Variants in ZNF609 observed in about 807,000 individuals in gnomAD.
ZNF609 encodes zinc finger protein 609.
A neutral mutation model predicts 109.5 loss-of-function variants in ZNF609; 11 were observed. The ratio of observed to expected loss-of-function variants is 0.10; its 90% confidence interval spans 0.06 to 0.17. ZNF609 has a LOEUF of 0.17. Among genes scored for constraint, ZNF609 ranks in the 10% least tolerant of loss-of-function variants. The probability of loss-of-function intolerance (pLI) is 1.00; values close to 1 mark genes in which losing one functional copy is unlikely to be tolerated. For synonymous variants in ZNF609, 646 were observed against 662.0 expected (o/e 0.98, Z 0.37); for missense variants, 1,559 against 1,772.4 (o/e 0.88, Z 2.16).
chr15:64,610,152 CA>C (rs1895694057), intron 2 of ZNF609, among the ~76,000 whole-genome samples: 1 of 152,156 alleles, frequency 6.6e-6, no homozygotes, highest in Non-Finnish European at 1.5e-5. Flanking sequence ...GCTTAGGCAA[CA>C]TAGGGAGACC....
chr15:64,677,975 G>C (rs1382271438), intron 5 of ZNF609, 141 bp from the exon 6 acceptor site: 2 of 1,136,448 alleles, frequency 1.8e-6, no homozygotes, highest in Middle Eastern at 3.0e-4. Context: ...TTATAAACAA[G>C]ATCAGTAGAG....
intron 2 of ZNF609, among the ~76,000 whole-genome samples, chr15:64,615,003 G>T (rs1235316682): frequency 1.3e-5 from 2 of 151,942 alleles, no homozygotes. Flanking sequence ...ATTTTCAATA[G>T]TGACGGGGTT....
At chr15:64,548,548 C>G (rs1333721925) in intron 2 of ZNF609, among the ~76,000 whole-genome samples, 2 of 152,048 alleles carry the variant, frequency 1.3e-5, no homozygotes, top group African/African-American at 2.4e-5. Context: ...ATTGCTGGAG[C>G]CTAGGAATTC....
intron 2 of ZNF609, among the ~76,000 whole-genome samples, chr15:64,514,466 C>T (rs1011732058): frequency 2.0e-5 from 3 of 152,194 alleles, no homozygotes; most frequent in Non-Finnish European, 4.4e-5. Context: ...CAGATCTTAT[C>T]GTTGAATTGA....
At chr15:64,483,653 T>A (rs983416490) in intron 1 of ZNF609, among the ~76,000 whole-genome samples, 6 of 152,210 alleles carry the variant, frequency 3.9e-5, no homozygotes, top group African/African-American at 1.4e-4. Context: ...CCCAAAGTGC[T>A]GAGATTACAG....
intron 2 of ZNF609, among the ~76,000 whole-genome samples, chr15:64,553,002 A>T (rs972359437): frequency 6.6e-6 from 1 of 152,186 alleles, no homozygotes; most frequent in African/African-American, 2.4e-5. Context: ...GTGGTCCAGC[A>T]CTGTTTAAAA....
Position 64,594,645 on chromosome 15 carries a change from G to A in ZNF609, c.748-28182G>A, listed in dbSNP as rs542128670. 2.6e-5 allele frequency among the ~76,000 whole-genome samples: 4 copies of A among 151,974 alleles called. No homozygotes were observed. In the East Asian group the frequency reaches 7.8e-4, roughly 30 times the overall value. On this transcript the variant is annotated intron_variant, in intron 2 of 9. Transcript: ENST00000326648. ...GAGCCACTGCACCTGGTCACAAAATGTAAAGATTTTGAGGGCCATTGATTT... is the reference window on the plus strand; with the variant it reads ...GAGCCACTGCACCTGGTCACAAAATATAAAGATTTTGAGGGCCATTGATTT...
At chr15:64,536,657 A>C (rs560579239) in intron 2 of ZNF609, among the ~76,000 whole-genome samples, 34 of 151,072 alleles carry the variant, frequency 2.3e-4, no homozygotes, top group African/African-American at 8.0e-4. Context: ...CAGGAGGATC[A>C]CTAGAGCTAA....
intron 1 of ZNF609, among the ~76,000 whole-genome samples, chr15:64,464,521 T>C (rs1892984251): frequency 6.6e-6 from 1 of 152,224 alleles, no homozygotes; most frequent in African/African-American, 2.4e-5. Flanking sequence ...AGCCTTATAT[T>C]GTGTGGGAAG....
chr15:64,529,119 G>C, intron 2 of ZNF609: 1 of 781,620 alleles, frequency 1.3e-6, no homozygotes, highest in Non-Finnish European at 2.3e-6. Flanking sequence ...TTATAGTCTG[G>C]GTGGCAGTGA....
chr15:64,564,040 C>T (rs1236638348), intron 2 of ZNF609, among the ~76,000 whole-genome samples: 1 of 151,818 alleles, frequency 6.6e-6, no homozygotes, highest in Non-Finnish European at 1.5e-5. Context: ...GGAGCCACCA[C>T]ACCCGGCCTA....
intron 2 of ZNF609, among the ~76,000 whole-genome samples, chr15:64,551,091 T>G (rs1217090312): frequency 6.6e-6 from 1 of 152,086 alleles, no homozygotes; most frequent in African/African-American, 2.4e-5. Flanking sequence ...GGTCCCTTTT[T>G]TTTGTTTGTT....
intron 2 of ZNF609, among the ~76,000 whole-genome samples, chr15:64,562,520 G>A (rs1223050842): frequency 6.6e-6 from 1 of 152,126 alleles, no homozygotes. Flanking sequence ...GCACTAATGT[G>A]ACACCCACAC....
intron 2 of ZNF609, among the ~76,000 whole-genome samples, chr15:64,615,520 C>T (rs1796869319): frequency 6.8e-6 from 1 of 146,456 alleles, no homozygotes; most frequent in South Asian, 2.1e-4. Context: ...GAGATTCACT[C>T]TTGTTGCCCA....
chr15:64,664,909 C>G (rs1231263898), intron 3 of ZNF609, among the ~76,000 whole-genome samples: 2 of 152,194 alleles, frequency 1.3e-5, no homozygotes, highest in Admixed American at 1.3e-4. Context: ...GATTCATCTT[C>G]TAGTTGTGTG....
Position 64,494,026 on chromosome 15 carries a change from G to A in ZNF609, c.-127-5267G>A, listed in dbSNP as rs140769860. Among the ~76,000 whole-genome samples the A allele has an allele frequency of 1.1e-4, 16 of 152,308 alleles. No individual in the cohort carries two copies. In the East Asian group the frequency reaches 2.7e-3, roughly 26 times the overall value. ...TACCACCAAAGTTACTATGAAGCCTGCTGGGTTTGGAAACCTAGATTTCTG... is the reference window on the plus strand; with the variant it reads ...TACCACCAAAGTTACTATGAAGCCTACTGGGTTTGGAAACCTAGATTTCTG... On this transcript the variant is annotated intron_variant, in intron 1 of 9. Coordinates refer to ENST00000326648, the MANE Select transcript of ZNF609 (RefSeq NM_015042.2).
Position 64,682,576 on chromosome 15 carries a change from C to G in ZNF609, c.*890C>G, listed in dbSNP as rs1743461087. On this transcript the variant is annotated 3_prime_UTR_variant, in exon 10 of 10. Coordinates refer to ENST00000326648, the MANE Select transcript of ZNF609 (RefSeq NM_015042.2). Reference sequence around the variant, plus strand: ...CCTTGGTGCCTTTCCCAGGGGGATCCCCACACTGGTCTTGCCTCTTCTTTT... The same window carrying G: ...CCTTGGTGCCTTTCCCAGGGGGATCGCCACACTGGTCTTGCCTCTTCTTTT... 6.5e-6 allele frequency: 1 copy of G among 152,878 alleles called. No homozygotes were observed. Among genetic ancestry groups the G allele is most frequent in the Middle Eastern group, 3.2e-3 (1 of 316 alleles). 9.5% of individuals were successfully genotyped at this position (152,878 alleles called of 1,614,324 possible). A position where few individuals can be genotyped will look rare whatever the true frequency, so the allele number is the denominator to read the frequency against.
At chr15:64,588,870 T>G (rs987845143) in intron 2 of ZNF609, among the ~76,000 whole-genome samples, 2 of 152,080 alleles carry the variant, frequency 1.3e-5, no homozygotes, top group African/African-American at 2.4e-5. Context: ...ACTCCTGACC[T>G]CGGGTTCGGG....
intron 2 of ZNF609, among the ~76,000 whole-genome samples, chr15:64,555,300 G>T (rs898356473): frequency 3.3e-5 from 5 of 152,150 alleles, no homozygotes; most frequent in African/African-American, 1.2e-4. Flanking sequence ...CCAGGAGGTT[G>T]AGGCTGTAGT....
Sources: gnomAD v4.1 joint callset for allele counts (sites outside exome capture counted in the v4.1 genomes callset) on GRCh38, gnomAD v4.1.1 for gene constraint, MANE v1.5 for transcripts, NCBI Gene and HGNC (gene_info 2026-07-23, HGNC 2026-07-21) for gene names.